SMURF1: variants seen among roughly 807,000 people sequenced by gnomAD.
SMURF1 encodes the protein SMAD specific E3 ubiquitin protein ligase 1, also known as E3 ubiquitin-protein ligase SMURF1.
A neutral mutation model predicts 98.0 loss-of-function variants in SMURF1; 44 were observed. That is an observed-to-expected ratio of 0.45 (90% CI 0.35 to 0.58). SMURF1 has a LOEUF of 0.58. SMURF1 is among the 20% of genes least tolerant of loss of function. SMURF1 has a pLI of 0.00. For synonymous variants in SMURF1, 396 were observed against 374.9 expected, an observed-to-expected ratio of 1.06 and a Z score of -0.65; for missense variants, 687 against 938.4, an observed-to-expected ratio of 0.73 and a Z score of 3.50.
intron 17 of SMURF1, 104 bp from the exon 18 acceptor site, chr7:99,030,787 A>T (rs1354060633): frequency 5.2e-4 from 290 of 552,590 alleles, no homozygotes; most frequent in Middle Eastern, 9.0e-4. Context: ...GGGGAGAGGA[A>T]TGGGGGGTGG....
At chr7:99,133,213 A>C (rs1797911018) in intron 1 of SMURF1, among the ~76,000 whole-genome samples, 1 of 152,082 alleles carries the variant, frequency 6.6e-6, no homozygotes, top group Non-Finnish European at 1.5e-5. Flanking sequence ...TTTTGCTTGC[A>C]TTATTTTGCC....
At chr7:99,051,205 C>G in intron 8 of SMURF1, 152 bp downstream of exon 8, 1 of 802,330 alleles carries the variant, frequency 1.2e-6, no homozygotes, top group South Asian at 1.6e-5. Context: ...CTCCCCCCAC[C>G]CCAGCTTATC....
intron 1 of SMURF1, among the ~76,000 whole-genome samples, chr7:99,116,644 ATAAACT>A (rs1797462257): frequency 6.6e-6 from 1 of 152,230 alleles, no homozygotes; most frequent in South Asian, 2.1e-4. Flanking sequence ...ATACTTAGAA[ATAAACT>A]TAACCAAAAA....
intron 10 of SMURF1, 139 bp downstream of exon 10, chr7:99,047,545 G>A (rs1469605559): frequency 3.6e-6 from 3 of 833,316 alleles, no homozygotes; most frequent in African/African-American, 1.7e-5. Flanking sequence ...AGAAAGAAGG[G>A]TTCCCTGAAA....
At chr7:99,050,894 T>TTG in intron 8 of SMURF1, 6 of 1,314,566 alleles carry the variant, frequency 4.6e-6, no homozygotes, top group Non-Finnish European at 6.2e-6. Flanking sequence ...TGTTATGGGG[T>TTG]GGGGGGGGGG....
chr7:99,105,748 T>G (rs979358659), intron 1 of SMURF1, among the ~76,000 whole-genome samples: 1 of 152,226 alleles, frequency 6.6e-6, no homozygotes, highest in Non-Finnish European at 1.5e-5. Flanking sequence ...ATTTTGGCTG[T>G]GTGTGTCACA....
intron 12 of SMURF1, 119 bp from the exon 13 acceptor site, chr7:99,040,675 C>A: frequency 1.2e-6 from 1 of 860,388 alleles, no homozygotes; most frequent in Non-Finnish European, 1.6e-6. Flanking sequence ...CCTACTGACT[C>A]AGGGACTCAC....
At chr7:99,121,849 A>G (rs1377202270) in intron 1 of SMURF1, among the ~76,000 whole-genome samples, 2 of 152,008 alleles carry the variant, frequency 1.3e-5, no homozygotes, top group African/African-American at 2.4e-5. Flanking sequence ...AGCTCCTCAA[A>G]CTCCAGGGGA....
chr7:99,110,682 T>C (rs1357065104), intron 1 of SMURF1, among the ~76,000 whole-genome samples: 1 of 152,214 alleles, frequency 6.6e-6, no homozygotes, highest in Non-Finnish European at 1.5e-5. Flanking sequence ...CATATCTTTT[T>C]AAATGCATGT....
intron 1 of SMURF1, among the ~76,000 whole-genome samples, chr7:99,063,192 GAT>G (rs1275233741): frequency 1.6e-5 from 2 of 128,784 alleles, no homozygotes; most frequent in Non-Finnish European, 1.6e-5. Context: ...GCTTTATCAA[GAT>G]ATATATATTT....
chr7:99,062,654 GC>G (rs1465503343), intron 1 of SMURF1, among the ~76,000 whole-genome samples: 1 of 152,124 alleles, frequency 6.6e-6, no homozygotes, highest in African/African-American at 2.4e-5. Flanking sequence ...TTCAAGACCA[GC>G]CTGGCCAACA....
chr7:99,035,996 A>G (rs1795124059), intron 15 of SMURF1: 2 of 452,860 alleles, frequency 4.4e-6, no homozygotes, highest in Non-Finnish European at 8.2e-6. Context: ...TTTGCTCTGC[A>G]TCGGTGAGGA....
chr7:99,085,088 C>T (rs1796651219), intron 1 of SMURF1, among the ~76,000 whole-genome samples: 1 of 152,098 alleles, frequency 6.6e-6, no homozygotes, highest in South Asian at 2.1e-4. Flanking sequence ...CGGTGGCTCA[C>T]ACCTATAATC....
chr7:99,047,009 A>G (rs1326866943), intron 10 of SMURF1, among the ~76,000 whole-genome samples: 4 of 152,130 alleles, frequency 2.6e-5, no homozygotes, highest in Admixed American at 6.5e-5. Context: ...TCCTTTGATC[A>G]TTTCTGACAG....
chr7:99,093,443 T>G (rs971515083), intron 1 of SMURF1, among the ~76,000 whole-genome samples: 2 of 152,182 alleles, frequency 1.3e-5, no homozygotes, highest in African/African-American at 4.8e-5. Flanking sequence ...CATTGAGTTT[T>G]ATCCTGGAAA....
chr7:99,128,665 C>G (rs1325689091), intron 1 of SMURF1, among the ~76,000 whole-genome samples: 1 of 152,190 alleles, frequency 6.6e-6, no homozygotes, highest in Non-Finnish European at 1.5e-5. Flanking sequence ...TTTCAAATAT[C>G]AATATTGTAC....
intron 1 of SMURF1, among the ~76,000 whole-genome samples, chr7:99,107,218 T>C (rs901272162): frequency 4.6e-5 from 7 of 152,206 alleles, no homozygotes; most frequent in African/African-American, 1.7e-4. Context: ...GAGCCTCTTA[T>C]AGAAAGCATT....
intron 10 of SMURF1, among the ~76,000 whole-genome samples, chr7:99,047,358 T>C (rs1795616508): frequency 6.6e-6 from 1 of 152,172 alleles, no homozygotes; most frequent in African/African-American, 2.4e-5. Flanking sequence ...TTCCCACTAT[T>C]TTTTAGTGCT....
intron 1 of SMURF1, among the ~76,000 whole-genome samples, chr7:99,098,080 C>T (rs1359452830): frequency 1.3e-5 from 2 of 152,144 alleles, no homozygotes; most frequent in African/African-American, 4.8e-5. Flanking sequence ...ATTGAAAACA[C>T]ATAAAACGGA....
Sources: gnomAD v4.1 joint callset for allele counts (sites outside exome capture counted in the v4.1 genomes callset) on GRCh38, gnomAD v4.1.1 for gene constraint, MANE v1.5 for transcripts, NCBI Gene and HGNC (gene_info 2026-07-23, HGNC 2026-07-21) for gene names.